The following DPP10 variants were observed in gnomAD, a reference collection of about 807,000 sequenced individuals.
The protein encoded by DPP10 is inactive dipeptidyl peptidase 10.
Under a neutral mutation model 120.9 loss-of-function variants are expected in DPP10, and 33 were observed. The ratio of observed to expected loss-of-function variants is 0.27; its 90% CI spans 0.21 to 0.37. DPP10 has a LOEUF of 0.37. DPP10 is among the 10% of genes least tolerant of loss of function. The pLI is 1.00. For missense variants in DPP10, 816 were observed against 942.8 expected (o/e 0.87, Z 1.76); for synonymous variants, 337 against 326.1 (o/e 1.03, Z -0.36).
chr2:115,079,767 T>C (rs1489817289), intron 1 of DPP10, among the ~76,000 whole-genome samples: 1 of 152,144 alleles, frequency 6.6e-6, no homozygotes, highest in African/African-American at 2.4e-5. Flanking sequence ...AGGCCTCACA[T>C]CATGATGAGT....
intron 1 of DPP10, among the ~76,000 whole-genome samples, chr2:115,283,799 C>T (rs1188420261): frequency 2.6e-5 from 4 of 151,908 alleles, no homozygotes; most frequent in Non-Finnish European, 5.9e-5. Flanking sequence ...ATTTTATTAC[C>T]ATACTTTTAC....
At chr2:115,835,389 T>A (rs1476250109) in intron 21 of DPP10, among the ~76,000 whole-genome samples, 1 of 152,178 alleles carries the variant, frequency 6.6e-6, no homozygotes, top group Non-Finnish European at 1.5e-5. Context: ...CGATTTCTTC[T>A]CCATTGATTG....
At chr2:114,942,287 G>GTATATATATACATATATATATATATA (rs1437337796) in intron 1 of DPP10, among the ~76,000 whole-genome samples, 2,082 of 112,430 alleles carry the variant, frequency 0.019, 46 homozygotes, top group East Asian at 0.092. Context: ...AAAAAAATGT[G>GTATATATATACATATATATATATATA]TATATATATA....
intron 1 of DPP10, among the ~76,000 whole-genome samples, chr2:114,615,113 T>A (rs1216267435): frequency 6.6e-6 from 1 of 152,184 alleles, no homozygotes; most frequent in Non-Finnish European, 1.5e-5. Context: ...TTTAAAATAA[T>A]CAATTAGATG....
chr2:115,229,158 T>G (rs6542254), intron 1 of DPP10, among the ~76,000 whole-genome samples: 32,712 of 152,094 alleles, frequency 0.22, 4,033 homozygotes, highest in East Asian at 0.36. Context: ...ATACACCTGT[T>G]TGCCATTTGT....
chr2:114,920,225 A>T (rs1172422263), intron 1 of DPP10, among the ~76,000 whole-genome samples: 5 of 152,152 alleles, frequency 3.3e-5, no homozygotes, highest in Non-Finnish European at 5.9e-5. Context: ...GAAAAACAAT[A>T]GTTTTTTCAT....
chr2:114,698,268 C>T (rs535415555), intron 1 of DPP10, among the ~76,000 whole-genome samples: 3 of 151,906 alleles, frequency 2.0e-5, no homozygotes, highest in African/African-American at 7.3e-5. Flanking sequence ...TAAAAAGAGG[C>T]CCATAAGGAA....
intron 1 of DPP10, among the ~76,000 whole-genome samples, chr2:115,009,268 T>C (rs978017413): frequency 4.6e-5 from 7 of 151,838 alleles, no homozygotes; most frequent in Admixed American, 4.6e-4. Flanking sequence ...GATGAGTTCA[T>C]GTCCTTTGTA....
At chr2:115,548,392 TAAAAATACATGCATG>T in intron 5 of DPP10, among the ~76,000 whole-genome samples, 1 of 151,404 alleles carries the variant, frequency 6.6e-6, no homozygotes, top group East Asian at 2.1e-4. Flanking sequence ...GGCATTATGC[TAAAAATACATGCATG>T]GAGGAGGTGA....
At chr2:114,796,136 G>A (rs1019633471) in intron 1 of DPP10, among the ~76,000 whole-genome samples, 7 of 152,200 alleles carry the variant, frequency 4.6e-5, no homozygotes, top group African/African-American at 7.2e-5. Context: ...GATCTCTCAC[G>A]ATTCTCACTT....
chr2:114,474,109 C>T (rs1040062247), intron 1 of DPP10, among the ~76,000 whole-genome samples: 1 of 152,108 alleles, frequency 6.6e-6, no homozygotes, highest in Non-Finnish European at 1.5e-5. Context: ...AGGCGTGCAC[C>T]ACCAGGCCCG....
intron 1 of DPP10, among the ~76,000 whole-genome samples, chr2:114,641,235 C>CT (rs1281204478): frequency 6.6e-6 from 1 of 151,980 alleles, no homozygotes; most frequent in Non-Finnish European, 1.5e-5. Flanking sequence ...CCATATCACA[C>CT]TGCTATATAG....
At chr2:115,384,439 AGAG>A (rs2066703324) in intron 3 of DPP10, among the ~76,000 whole-genome samples, 1 of 138,922 alleles carries the variant, frequency 7.2e-6, no homozygotes, top group Admixed American at 8.0e-5. Context: ...GAGAAGAAGA[AGAG>A]GAGGAAGAAG....
At chr2:115,800,532 T>G (rs1244630490) in intron 19 of DPP10, among the ~76,000 whole-genome samples, 1 of 152,138 alleles carries the variant, frequency 6.6e-6, no homozygotes, top group Non-Finnish European at 1.5e-5. Flanking sequence ...CTGAATGGTG[T>G]TGCCTAGGTT....
intron 1 of DPP10, among the ~76,000 whole-genome samples, chr2:114,781,683 G>A (rs532282106): frequency 6.6e-6 from 1 of 152,226 alleles, no homozygotes; most frequent in South Asian, 2.1e-4. Flanking sequence ...GGCATATCTA[G>A]ATGAGTATAT....
intron 1 of DPP10, among the ~76,000 whole-genome samples, chr2:114,792,207 G>A (rs941242006): frequency 6.6e-6 from 1 of 152,010 alleles, no homozygotes; most frequent in African/African-American, 2.4e-5. Flanking sequence ...ATAGTGCATC[G>A]GTGTGGGAAT....
At chr2:115,030,415 T>C (rs1255917817) in intron 1 of DPP10, among the ~76,000 whole-genome samples, 2 of 152,184 alleles carry the variant, frequency 1.3e-5, no homozygotes, top group African/African-American at 4.8e-5. Context: ...AGAGCAGAGT[T>C]TACTTATGGT....
intron 1 of DPP10, among the ~76,000 whole-genome samples, chr2:114,481,960 G>GAGAGAGAGAGAGAGGAGAGAAAGAA: frequency 6.7e-6 from 1 of 148,940 alleles, no homozygotes; most frequent in Non-Finnish European, 1.5e-5. Flanking sequence ...AGGAGGAGAG[G>GAGAGAGAGAGAGAGGAGAGAAAGAA]AGAGAGAGAG....
At chr2:115,333,680 T>G (rs957757683) in intron 2 of DPP10, among the ~76,000 whole-genome samples, 2 of 152,156 alleles carry the variant, frequency 1.3e-5, no homozygotes, top group South Asian at 4.1e-4. Context: ...CCTTCACTTA[T>G]GAAGCTTGGT....
Sources: allele counts gnomAD v4.1 joint callset (sites outside exome capture counted in the v4.1 genomes callset), GRCh38; gene constraint gnomAD v4.1.1; transcripts MANE v1.5; gene names NCBI Gene and HGNC (gene_info 2026-07-23, HGNC 2026-07-21).